Variants in TRIML1 observed in about 807,000 individuals in gnomAD.
The protein encoded by TRIML1 is tripartite motif family like 1, also known as probable E3 ubiquitin-protein ligase TRIML1.
Under a neutral mutation model 32.3 loss-of-function variants are expected in TRIML1, and 34 were observed. That is an observed-to-expected ratio of 1.05 (90% confidence interval 0.80 to 1.40). TRIML1 has a LOEUF of 1.40. Among genes scored for constraint, TRIML1 ranks in the 40% most tolerant of loss-of-function variants. The pLI, the probability that TRIML1 is intolerant of heterozygous loss-of-function variation, is 0.00. For missense variants in TRIML1, 595 were observed against 574.9 expected (o/e 1.03, Z -0.36); for synonymous variants, 244 against 226.6 (o/e 1.08, Z -0.69).
At chr4:188,138,065 A>G (rs115505994), upstream of TRIML1, among the ~76,000 whole-genome samples, 1,085 of 151,696 alleles carry the variant, frequency 7.2e-3, 7 homozygotes, top group Non-Finnish European at 0.011. Context: ...CAGTAGTATA[A>G]CTCTTTGCTC....
chr4:188,144,508 G>A (rs533750670), intron 5 of TRIML1, among the ~76,000 whole-genome samples: 69 of 143,604 alleles, frequency 4.8e-4, no homozygotes, highest in African/African-American at 1.1e-3. Flanking sequence ...GACTACAGGC[G>A]CCCGCCACCA....
At chr4:188,143,170 C>T (rs1310768285) in intron 3 of TRIML1, 1 of 152,582 alleles carries the variant, frequency 6.6e-6, no homozygotes, top group Non-Finnish European at 1.5e-5. Flanking sequence ...ATTCTCTTGC[C>T]TCAGCCTCCC....
At position 188,139,746 on chromosome 4, in the gene TRIML1, C is replaced by G; in HGVS notation, c.188C>G (p.Pro63Arg). ...GAGTGCTGGAGGACCTTGGAGGGCC[C>G]GCATTTCCAGTCAAACGAGCGTCTG... ...CPECWRTLEGPHFQSNERLGR... is the reference protein window; with the variant it reads ...CPECWRTLEGRHFQSNERLGR... Residue 63 changes from proline (P) to arginine (R), a missense_variant, in exon 1 of 6, where the codon CCG (proline) becomes CGG (arginine). By Grantham distance (103) the Pro-to-Arg change is moderately radical. Coordinates refer to ENST00000332517, the MANE Select transcript of TRIML1 (RefSeq NM_178556.5). 1 of 1,613,934 alleles carries G rather than the reference C, an allele frequency of 6.2e-7. No individual in the cohort carries two copies. Among genetic ancestry groups the G allele is most frequent in the South Asian group, 1.1e-5 (1 of 91,080 alleles).
rs764749838 is a variant in TRIML1, at chr4:188,142,338, C to G, written c.591C>G (p.Leu197=). 31 of 1,612,826 alleles carry G rather than the reference C, an allele frequency of 1.9e-5. No homozygotes were observed. The highest frequency in any genetic ancestry group is 2.5e-5 in the Non-Finnish European group (30 of 1,179,756). Residue 197 remains leucine, a synonymous_variant, in exon 3 of 6, where the codon CTC becomes CTG. Transcript: ENST00000332517. ...TGAAGGAAGAGGAGCAGCTGCAACT[C>G]CAGCTACTAGAACAGGAAGAGAAAG... The part of the protein sequence containing the change: ...QFLKEEEQLQ[L]QLLEQEEKEN...
At chr4:188,140,386 T>C in intron 1 of TRIML1, 142 bp from the exon 2 acceptor site, 1 of 630,350 alleles carries the variant, frequency 1.6e-6, no homozygotes, top group Non-Finnish European at 2.8e-6. Flanking sequence ...CCTCCCAAAG[T>C]GCTGGGATTA....
chr4:188,143,863 A>G lies in TRIML1; in HGVS notation c.758+3A>G. 1 of 1,614,200 alleles carries G rather than the reference A, an allele frequency of 6.2e-7. No individual in the cohort carries two copies. The highest frequency in any genetic ancestry group is 8.5e-7 in the Non-Finnish European group (1 of 1,180,034). ...GAAGTGAGAGGAGCCCTGGAAAGGTAGGCTTTCATTCTGTGTTCAGTTATG... is the reference window on the plus strand; with the variant it reads ...GAAGTGAGAGGAGCCCTGGAAAGGTGGGCTTTCATTCTGTGTTCAGTTATG... On this transcript the variant is annotated splice_donor_region_variant and intron_variant, in intron 4 of 5. Transcript: ENST00000332517.
At chr4:188,150,301 G>C (rs1735217185), downstream of TRIML1, among the ~76,000 whole-genome samples, 4 of 150,566 alleles carry the variant, frequency 2.7e-5, no homozygotes, top group South Asian at 8.4e-4. Flanking sequence ...GCGAATTTTT[G>C]TATTTTTAAT....
chr4:188,145,472 A>AAAAAAAAAAAAAAC (rs1735039087), intron 5 of TRIML1, among the ~76,000 whole-genome samples: 1 of 27,814 alleles, frequency 3.6e-5, no homozygotes, highest in East Asian at 5.6e-4. Context: ...AAAAAAAAAA[A>AAAAAAAAAAAAAAC]AAAAGTCAGA....
At chr4:188,150,454 C>A (rs187400722), downstream of TRIML1, among the ~76,000 whole-genome samples, 1 of 152,178 alleles carries the variant, frequency 6.6e-6, no homozygotes, top group Non-Finnish European at 1.5e-5. Context: ...GATTTTATAT[C>A]TTGATTTCTC....
chr4:188,140,377 C>T (rs1190563700), intron 1 of TRIML1, 151 bp from the exon 2 acceptor site: 5 of 600,850 alleles, frequency 8.3e-6, no homozygotes, highest in Non-Finnish European at 1.5e-5. Context: ...CTGCCTCGGC[C>T]TCCCAAAGTG....
Position 188,140,623 on chromosome 4 carries a change from G to C in TRIML1, c.504G>C (p.Gln168His). ...AGAAGGAGAGAGTGAAACTGTGCCA[G>C]GTCGGTGTCTGTCTGACTTTTGCTG... ...THEKERVKLC[Q>H]EETKTCKQVV... Residue 168 changes from glutamine to histidine, a missense_variant and splice_region_variant, in exon 2 of 6, where the codon CAG becomes CAC. Transcript: ENST00000332517. 1.2e-6 allele frequency: 2 copies of C among 1,612,206 alleles called. No individual in the cohort carries two copies. The highest frequency in any genetic ancestry group is 1.7e-6 in the Non-Finnish European group (2 of 1,178,348).
downstream of TRIML1, among the ~76,000 whole-genome samples, chr4:188,148,123 G>T (rs1278961430): frequency 6.6e-6 from 1 of 152,120 alleles, no homozygotes; most frequent in Non-Finnish European, 1.5e-5. Flanking sequence ...GTTCTTTTCG[G>T]TGCTTTTGTG....
downstream of TRIML1, among the ~76,000 whole-genome samples, chr4:188,150,076 T>A (rs746947349): frequency 3.3e-5 from 5 of 152,032 alleles, no homozygotes; most frequent in Non-Finnish European, 5.9e-5. Context: ...AGTGTTGAGA[T>A]TAGAGACGTG....
At chr4:188,148,077 C>T (rs566952595), downstream of TRIML1, among the ~76,000 whole-genome samples, 82 of 152,268 alleles carry the variant, frequency 5.4e-4, no homozygotes, top group African/African-American at 1.9e-3. Flanking sequence ...TATCATGACA[C>T]GGGATGCCAA....
At chr4:188,145,813 T>C (rs1200574839) in intron 5 of TRIML1, among the ~76,000 whole-genome samples, 2 of 151,824 alleles carry the variant, frequency 1.3e-5, no homozygotes, top group Non-Finnish European at 1.5e-5. Flanking sequence ...CAAAACTGTC[T>C]CAGGAAAAAA....
chr4:188,140,126 C>CTT (rs773689742), intron 1 of TRIML1, among the ~76,000 whole-genome samples, 160 bp downstream of exon 1: 1 of 136,798 alleles, frequency 7.3e-6, no homozygotes, highest in Non-Finnish European at 1.6e-5. Flanking sequence ...TTTTTTTTCC[C>CTT]TTTTTTTGTT....
chr4:188,140,028 G>A lies in TRIML1; in HGVS notation c.408+62G>A, dbSNP rs1734793626. 3 of 1,516,854 alleles carry A rather than the reference G, an allele frequency of 2.0e-6. No individual in the cohort carries two copies. The Admixed American group carries it at 6.0e-5, about 30-fold the overall frequency. 94.0% of individuals were successfully genotyped at this position (1,516,854 alleles called of 1,614,324 possible). A position where few individuals can be genotyped will look rare whatever the true frequency, so the allele number is the denominator to read the frequency against. ...CGCAGCTAACTCCGTTAGCTTTCCTGACGTTTCCTAACGTCCTCTGTGGGG... is the reference window on the plus strand; with the variant it reads ...CGCAGCTAACTCCGTTAGCTTTCCTAACGTTTCCTAACGTCCTCTGTGGGG... On this transcript the variant is annotated intron_variant, in intron 1 of 5. Transcript: ENST00000332517.
At position 188,139,748 on chromosome 4, in the gene TRIML1, C is replaced by T. The variant is rs1734776014; in HGVS notation, c.190C>T (p.His64Tyr). 6.2e-7 allele frequency: 1 copy of T among 1,613,850 alleles called. No homozygotes were observed. Among genetic ancestry groups the T allele is most frequent in the African/African-American group, 1.3e-5 (1 of 74,904 alleles). The change falls in exon 1 of 6, where the codon CAT becomes TAT. Residue 64 changes from histidine to tyrosine, a missense_variant. Coordinates refer to ENST00000332517, the MANE Select transcript of TRIML1 (RefSeq NM_178556.5). The part of the protein sequence containing the change: ...PECWRTLEGP[H>Y]FQSNERLGRL... ...GTGCTGGAGGACCTTGGAGGGCCCG[C>T]ATTTCCAGTCAAACGAGCGTCTGGG...
downstream of TRIML1, among the ~76,000 whole-genome samples, chr4:188,150,039 C>T (rs756573338): frequency 1.4e-4 from 21 of 152,016 alleles, no homozygotes; most frequent in Non-Finnish European, 2.5e-4. Flanking sequence ...CTCCTGACCT[C>T]CTGATCCGCC....
Sources: allele counts gnomAD v4.1 joint callset (sites outside exome capture counted in the v4.1 genomes callset), GRCh38; gene constraint gnomAD v4.1.1; transcripts MANE v1.5; gene names NCBI Gene and HGNC (gene_info 2026-07-23, HGNC 2026-07-21).